AKR1C1: variants seen among roughly 807,000 people sequenced by gnomAD.
AKR1C1 encodes the protein aldo-keto reductase family 1 member C1, also known as 20 alpha-hydroxysteroid dehydrogenase.
A neutral mutation model predicts 40.6 loss-of-function variants in AKR1C1; 32 were observed. That is an observed-to-expected ratio of 0.79 (90% CI 0.60 to 1.06). The LOEUF (loss-of-function observed/expected upper bound fraction) is 1.06, where lower values mean the gene tolerates loss of function less well. Among genes scored for constraint, AKR1C1 ranks in the 50% least tolerant of loss-of-function variants. The pLI is 0.00. For synonymous variants in AKR1C1, 105 were observed against 134.2 expected, an observed-to-expected ratio of 0.78 and a Z score of 1.50; for missense variants, 320 against 363.5, an observed-to-expected ratio of 0.88 and a Z score of 0.97.
chr10:4,968,728 C>T, intron 4 of AKR1C1, 94 bp from the exon 5 acceptor site: 1 of 1,577,748 alleles, frequency 6.3e-7, no homozygotes, highest in South Asian at 1.2e-5. Flanking sequence ...CCACGGCTAG[C>T]TAGTTTTATT....
At chr10:4,974,092 T>C (rs1836485536) in intron 7 of AKR1C1, among the ~76,000 whole-genome samples, 1 of 151,564 alleles carries the variant, frequency 6.6e-6, no homozygotes. Flanking sequence ...ATGAAACAAT[T>C]GATGAATCTA....
chr10:4,967,221 GT>G, intron 3 of AKR1C1, 178 bp downstream of exon 3: 1 of 984,882 alleles, frequency 1.0e-6, no homozygotes, highest in South Asian at 1.9e-5. Context: ...CCATACTTCC[GT>G]GATTGCATGT....
chr10:4,975,964 T>A (rs1554770423), intron 8 of AKR1C1, 31 bp downstream of exon 8: 2 of 436,756 alleles, frequency 4.6e-6, no homozygotes, highest in Admixed American at 4.5e-5. Context: ...TTGTCCTAAT[T>A]TATTTTCAGA....
Position 4,981,758 on chromosome 10 carries a change from A to G in AKR1C1, c.*4016A>G, listed in dbSNP as rs1836620130. The G allele has an allele frequency of 6.6e-6, 1 of 150,724 alleles. No homozygotes were observed. The highest frequency in any genetic ancestry group is 1.5e-5 in the Non-Finnish European group (1 of 66,996). 9.3% of individuals were successfully genotyped at this position (150,724 alleles called of 1,614,324 possible). A position where few individuals can be genotyped will look rare whatever the true frequency, so the allele number is the denominator to read the frequency against. ...AGAAGGCTTTGATCCTGTGCGGACA[A>G]GTGCCTTGAGCAGAATCCACAGGGG... is the stretch of plus-strand genomic sequence containing the variant. On this transcript the variant is annotated 3_prime_UTR_variant, in exon 9 of 9. Coordinates refer to ENST00000380872, the MANE Select transcript of AKR1C1 (RefSeq NM_001353.6).
chr10:4,974,248 G>T (rs1361945038), intron 7 of AKR1C1, among the ~76,000 whole-genome samples: 3 of 150,510 alleles, frequency 2.0e-5, no homozygotes, highest in Admixed American at 6.6e-5. Context: ...AGTATATATA[G>T]ATATATGACA....
rs868973969 is a variant in AKR1C1 at position 4,981,360 on chromosome 10, A to C, written c.*3618A>C. The C allele has an allele frequency of 6.6e-6, 1 of 152,196 alleles. No homozygotes were observed. The highest frequency in any genetic ancestry group is 1.5e-5 in the Non-Finnish European group (1 of 68,040). 9.4% of individuals were successfully genotyped at this position (152,196 alleles called of 1,614,324 possible). ...AAGAAATAATTTTAAAAACTACTCA[A>C]AGAAATCAGAGATATCACAAAATGA... is the stretch of plus-strand genomic sequence containing the variant. On this transcript the variant is annotated 3_prime_UTR_variant, in exon 9 of 9. Coordinates refer to ENST00000380872, the MANE Select transcript of AKR1C1 (RefSeq NM_001353.6).
At position 4,982,336 on chromosome 10, in the gene AKR1C1, G is replaced by A. The variant is rs1441794566; in HGVS notation, c.*4594G>A. The A allele has an allele frequency of 6.6e-6, 1 of 152,244 alleles. No homozygotes were observed. The highest frequency in any genetic ancestry group is 1.5e-5 in the Non-Finnish European group (1 of 68,208). 9.4% of individuals were successfully genotyped at this position (152,244 alleles called of 1,614,324 possible). A position where few individuals can be genotyped will look rare whatever the true frequency, so the allele number is the denominator to read the frequency against. ...GTACTTGGCGGAGGGATGCTGGGGG[G>A]ACCTTCTTAGAAGAGCTGCGCCCCA... On this transcript the variant is annotated 3_prime_UTR_variant, in exon 9 of 9. Transcript: ENST00000380872.
intron 8 of AKR1C1, 72 bp from the exon 9 acceptor site, chr10:4,977,628 G>T: frequency 6.3e-7 from 1 of 1,594,942 alleles, no homozygotes; most frequent in South Asian, 1.1e-5. Context: ...CAGCTTCCTA[G>T]AAATCACTGC....
At chr10:4,968,207 C>T (rs1836359642) in intron 3 of AKR1C1, 102 bp from the exon 4 acceptor site, 1 of 1,370,746 alleles carries the variant, frequency 7.3e-7, no homozygotes, top group Non-Finnish European at 1.0e-6. Flanking sequence ...CACTGCATCA[C>T]CTACCTCATG....
intron 8 of AKR1C1, among the ~76,000 whole-genome samples, chr10:4,976,861 A>C (rs115260743): frequency 0.015 from 2,235 of 152,320 alleles, 46 homozygotes; most frequent in African/African-American, 0.051. Context: ...TATTTTATTC[A>C]TTTAGAGGAA....
At chr10:4,966,200 C>G in intron 2 of AKR1C1, 119 bp downstream of exon 2, 1 of 1,484,572 alleles carries the variant, frequency 6.7e-7, no homozygotes, top group Admixed American at 2.4e-5. Flanking sequence ...ACGATTTATT[C>G]ACACTTACTC....
chr10:4,983,250 G>T lies in AKR1C1; in HGVS notation c.*5508G>T. 1.1e-5 allele frequency: 2 copies of T among 174,306 alleles called. No homozygotes were observed. Among genetic ancestry groups the T allele is most frequent in the Non-Finnish European group, 1.2e-5 (1 of 82,842 alleles). The allele number at this position is 174,306 out of a possible 1,614,324, so 10.8% of individuals were successfully genotyped here. A position where few individuals can be genotyped will look rare whatever the true frequency, so the allele number is the denominator to read the frequency against. On this transcript the variant is annotated 3_prime_UTR_variant, in exon 9 of 9. Transcript: ENST00000380872. ...GAGCCCAGGCCAATTTTCTAAACAT[G>T]GAATATGAGTTAAATAAATGGCTTC...
At chr10:4,966,640 T>G (rs373034482) in intron 2 of AKR1C1, among the ~76,000 whole-genome samples, 3 of 152,362 alleles carry the variant, frequency 2.0e-5, no homozygotes, top group East Asian at 3.9e-4. Flanking sequence ...GTTGTAAAAC[T>G]TACCAAAGAT....
At chr10:4,968,026 A>T in intron 3 of AKR1C1, 1 of 328,182 alleles carries the variant, frequency 3.0e-6, no homozygotes, top group East Asian at 7.1e-5. Flanking sequence ...AGAGAAAATT[A>T]TAGGAGCAGA....
intron 7 of AKR1C1, among the ~76,000 whole-genome samples, chr10:4,973,700 C>G (rs1588563113): frequency 6.6e-6 from 1 of 152,068 alleles, no homozygotes; most frequent in African/African-American, 2.4e-5. Context: ...GATACAGGGA[C>G]ATGTGATTGT....
chr10:4,978,287 T>A lies in AKR1C1; in HGVS notation c.*545T>A, dbSNP rs373029877. 2.8e-3 allele frequency: 416 copies of A among 148,470 alleles called. 3 individuals are homozygous for A. The East Asian group carries it at 0.031, about 11-fold the overall frequency. 9.2% of individuals were successfully genotyped at this position (148,470 alleles called of 1,614,324 possible). A position where few individuals can be genotyped will look rare whatever the true frequency, so the allele number is the denominator to read the frequency against. ...GTTTCTGGAGCCTTGGGAGGAGGCA[T>A]CCCTGTGAGGGGGGGTTAGGGAGAT... On this transcript the variant is annotated 3_prime_UTR_variant, in exon 9 of 9. Coordinates refer to ENST00000380872, the MANE Select transcript of AKR1C1 (RefSeq NM_001353.6).
chr10:4,966,082 G>A lies in AKR1C1; in HGVS notation c.252+1G>A, dbSNP rs1255549384. 6.2e-7 allele frequency: 1 copy of A among 1,611,534 alleles called. No homozygotes were observed. Among genetic ancestry groups the A allele is most frequent in the Non-Finnish European group, 8.5e-7 (1 of 1,178,852 alleles). On this transcript the variant is annotated splice_donor_variant, in intron 2 of 8. Transcript: ENST00000380872. LOFTEE classifies it high-confidence loss of function. ...AGAAGACATATTCTACACTTCAAAGGTACTGTGCCTATGATGAGCTTGTGT... is the reference window on the plus strand; with the variant it reads ...AGAAGACATATTCTACACTTCAAAGATACTGTGCCTATGATGAGCTTGTGT...
intron 1 of AKR1C1, 44 bp downstream of exon 1, chr10:4,963,572 G>C (rs1178968578): frequency 6.5e-7 from 1 of 1,530,926 alleles, no homozygotes; most frequent in Non-Finnish European, 9.0e-7. Context: ...AGGAGCTAGA[G>C]TAAGTGGAAG....
chr10:4,966,872 T>C (rs1202350797), intron 2 of AKR1C1, 55 bp from the exon 3 acceptor site: 18 of 1,508,652 alleles, frequency 1.2e-5, no homozygotes, highest in Non-Finnish European at 1.6e-5. Flanking sequence ...TGGAGCAAAC[T>C]AGTAAAATTG....
Sources: gnomAD v4.1 joint callset for allele counts (sites outside exome capture counted in the v4.1 genomes callset) on GRCh38, gnomAD v4.1.1 for gene constraint, MANE v1.5 for transcripts, NCBI Gene and HGNC (gene_info 2026-07-23, HGNC 2026-07-21) for gene names.